NOL8: variants seen among roughly 807,000 people sequenced by gnomAD.
The protein encoded by NOL8 is nucleolar protein Nop132.
In NOL8, 93 loss-of-function variants were observed where a neutral mutation model predicts 116.1. That is an observed-to-expected ratio of 0.80 (90% CI 0.68 to 0.95). The LOEUF is 0.95. Among genes scored for constraint, NOL8 ranks in the 40% least tolerant of loss-of-function variants. The pLI is 0.00. For missense variants in NOL8, 1,291 were observed against 1,382.8 expected (o/e 0.93, Z 1.05); for synonymous variants, 419 against 469.0 (o/e 0.89, Z 1.38).
intron 7 of NOL8, among the ~76,000 whole-genome samples, chr9:92,312,447 A>T (rs1458730353): frequency 2.7e-4 from 9 of 33,948 alleles, no homozygotes; most frequent in Non-Finnish European, 3.9e-4. Flanking sequence ...GAGACCCTGT[A>T]AAAAAAAAAA....
At chr9:92,321,791 A>G (rs1031280349) in intron 3 of NOL8, 45 bp from the exon 4 acceptor site, 2 of 955,626 alleles carry the variant, frequency 2.1e-6, no homozygotes, top group Non-Finnish European at 3.1e-6. Context: ...ATGTAAAAAT[A>G]TATTTCAGCT....
intron 8 of NOL8, 128 bp from the exon 9 acceptor site, chr9:92,310,803 AGG>A: frequency 1.0e-6 from 1 of 1,004,070 alleles, no homozygotes; most frequent in Non-Finnish European, 1.4e-6. Flanking sequence ...AGTAAATGGC[AGG>A]TCAGGTGGAA....
intron 4 of NOL8, 83 bp from the exon 5 acceptor site, chr9:92,319,439 T>A: frequency 7.3e-7 from 1 of 1,377,388 alleles, no homozygotes; most frequent in Non-Finnish European, 9.5e-7. Context: ...TGTGCCTAAA[T>A]GAGCACTATA....
In NOL8 at chr9:92,315,793, G is replaced by A. The variant is rs774282812; in HGVS notation, c.832C>T (p.Leu278Phe). ...GAAGTCTTAAAAGGTAGATTTTTAA[G>A]TTTCTGAGTATCAGAAACAGGTACA... ...SPVPVSDTQKLKNLPFKTSGL... is the reference protein window; with the variant it reads ...SPVPVSDTQKFKNLPFKTSGL... The change falls in exon 7 of 17, where the codon CTT becomes TTT. Residue 278 changes from leucine to phenylalanine, a missense_variant. Transcript: ENST00000442668. 1 of 1,613,784 alleles carries A rather than the reference G, an allele frequency of 6.2e-7. No homozygotes were observed. Among genetic ancestry groups the A allele is most frequent in the Non-Finnish European group, 8.5e-7 (1 of 1,179,828 alleles).
At chr9:92,323,131 G>A in intron 3 of NOL8, 2 of 379,312 alleles carry the variant, frequency 5.3e-6, no homozygotes, top group South Asian at 6.7e-5. Context: ...AGACTGAGGG[G>A]GAATGTGGCA....
intron 8 of NOL8, 146 bp from the exon 9 acceptor site, chr9:92,310,821 T>C: frequency 1.2e-6 from 1 of 833,818 alleles, no homozygotes. Flanking sequence ...TGGAAATTCC[T>C]GACTCAGTGA....
rs1482134395 is a variant in NOL8, at chr9:92,323,476, A to G, written c.167T>C (p.Ile56Thr). The G allele has an allele frequency of 6.2e-7, 1 of 1,606,922 alleles. No individual in the cohort carries two copies. The part of the protein sequence containing the change: ...QGNPQKVFAY[I>T]NISVAEADLK... ...GTCCGCTTCTGCTACACTGATGTTG[A>G]TATATGCAAAAACTTTCTGTGGGTT... Residue 56 changes from isoleucine to threonine, a missense_variant, in exon 3 of 17, where the codon ATC (isoleucine) becomes ACC (threonine). Transcript: ENST00000442668.
Position 92,306,943 on chromosome 9 carries a change from A to G in NOL8, c.2768T>C (p.Leu923Ser). Residue 923 changes from leucine (L) to serine (S), a missense_variant, in exon 11 of 17, where the codon TTG becomes TCG. Transcript: ENST00000442668. The stretch of plus-strand genomic sequence containing the variant: ...TGTAGAATTGCTTAAGTTGATTTGC[A>G]AAACACTTTGTACAACATTCAGGGC... ...KKALNVVQSV[L>S]QINLSNSTNR... 6.2e-7 allele frequency: 1 copy of G among 1,613,554 alleles called. No homozygotes were observed. The highest frequency in any genetic ancestry group is 1.3e-5 in the African/African-American group (1 of 75,058).
At chr9:92,308,381 T>C in intron 10 of NOL8, among the ~76,000 whole-genome samples, 1 of 151,758 alleles carries the variant, frequency 6.6e-6, no homozygotes, top group East Asian at 1.9e-4. Flanking sequence ...AAAAATAAAA[T>C]GTTGAGAAGG....
chr9:92,310,063 T>C, intron 10 of NOL8, 108 bp downstream of exon 10: 1 of 722,010 alleles, frequency 1.4e-6, no homozygotes, highest in South Asian at 1.8e-5. Flanking sequence ...CTCAATCCAA[T>C]GTCTTGGGAT....
At chr9:92,316,725 G>A (rs1019576759) in intron 6 of NOL8, among the ~76,000 whole-genome samples, 1 of 152,112 alleles carries the variant, frequency 6.6e-6, no homozygotes, top group Non-Finnish European at 1.5e-5. Flanking sequence ...GGAGGCCGAG[G>A]TGGGCCGATT....
intron 7 of NOL8, among the ~76,000 whole-genome samples, chr9:92,311,792 C>T (rs1465741619): frequency 6.6e-6 from 1 of 152,138 alleles, no homozygotes; most frequent in Non-Finnish European, 1.5e-5. Flanking sequence ...AGCAGTTTGG[C>T]GATTTCTCAA....
chr9:92,320,359 T>C (rs2130735139), intron 4 of NOL8: 1 of 345,384 alleles, frequency 2.9e-6, no homozygotes, highest in South Asian at 2.2e-5. Flanking sequence ...CTAGTGCCTG[T>C]ACACAGTAGG....
Position 92,310,225 on chromosome 9 carries a change from T to G in NOL8, c.2632A>C (p.Arg878=). 6.2e-7 allele frequency: 1 copy of G among 1,610,442 alleles called. No homozygotes were observed. The highest frequency in any genetic ancestry group is 8.5e-7 in the Non-Finnish European group (1 of 1,178,424). The change falls in exon 10 of 17, where the codon AGA becomes CGA. Residue 878 remains arginine, a synonymous_variant. Transcript: ENST00000442668. ...AGAAATCGAGAGTCCATGCGGAATCTGTCATCGGTGCCAAAGTGCGACTGT... is the reference window on the plus strand; with the variant it reads ...AGAAATCGAGAGTCCATGCGGAATCGGTCATCGGTGCCAAAGTGCGACTGT... The part of the protein sequence containing the change: ...DLQSHFGTDD[R]FRMDSRFLET...
Position 92,310,609 on chromosome 9 carries a change from C to T in NOL8, c.2539G>A (p.Asp847Asn). 1 of 1,613,432 alleles carries T rather than the reference C, an allele frequency of 6.2e-7. No individual in the cohort carries two copies. The highest frequency in any genetic ancestry group is 1.1e-5 in the South Asian group (1 of 90,980). Residue 847 changes from aspartate to asparagine, a missense_variant, in exon 9 of 17, where the codon GAT becomes AAT. Transcript: ENST00000442668. The stretch of plus-strand genomic sequence containing the variant: ...TTAATTTTGAACCTATTACTGTCAT[C>T]TTCAGAATCAGATTCGTCATCATCA... ...SSDDDESDSE[D>N]DSNRFKIKPQ...
intron 14 of NOL8, 58 bp from the exon 15 acceptor site, chr9:92,299,012 T>C (rs1352234027): frequency 1.2e-6 from 1 of 839,686 alleles, no homozygotes; most frequent in East Asian, 3.0e-5. Flanking sequence ...TTAATTTCAA[T>C]ATTTAAGAAG....
At chr9:92,303,593 G>A (rs192455571) in intron 12 of NOL8, among the ~76,000 whole-genome samples, 1 of 151,932 alleles carries the variant, frequency 6.6e-6, no homozygotes, top group Admixed American at 6.6e-5. Flanking sequence ...TATAGACCTC[G>A]GTCTAAAAAT....
intron 1 of NOL8, 198 bp downstream of exon 1, chr9:92,325,108 G>C (rs1041182656): frequency 6.6e-6 from 1 of 152,186 alleles, no homozygotes; most frequent in African/African-American, 2.4e-5. Flanking sequence ...AGAGCTGACA[G>C]ACTCTTTCCA....
At chr9:92,307,200 A>G (rs1341321391) in intron 10 of NOL8, among the ~76,000 whole-genome samples, 176 bp from the exon 11 acceptor site, 1 of 152,206 alleles carries the variant, frequency 6.6e-6, no homozygotes, top group African/African-American at 2.4e-5. Flanking sequence ...TAGCAAACTC[A>G]GAAAGTCTGC....
Sources: allele counts gnomAD v4.1 joint callset (sites outside exome capture counted in the v4.1 genomes callset), GRCh38; gene constraint gnomAD v4.1.1; transcripts MANE v1.5; gene names NCBI Gene and HGNC (gene_info 2026-07-23, HGNC 2026-07-21).